Variants in GABRG1 observed in about 807,000 individuals in gnomAD.
GABRG1 encodes gamma-aminobutyric acid receptor subunit gamma-1.
In GABRG1, 49 loss-of-function variants were observed where a neutral mutation model predicts 49.8. The ratio of observed to expected loss-of-function variants is 0.98; its 90% confidence interval spans 0.78 to 1.25. The LOEUF is 1.25. GABRG1 is among the 50% of genes most tolerant of loss of function. The probability of loss-of-function intolerance (pLI) is 0.00; values close to 1 mark genes in which losing one functional copy is unlikely to be tolerated. For synonymous variants in GABRG1, 232 were observed against 185.1 expected (o/e 1.25, Z -2.06); for missense variants, 552 against 552.3 (o/e 1.00, Z 0.01).
chr4:46,080,797 A>T (rs1401983152), intron 3 of GABRG1, among the ~76,000 whole-genome samples: 1 of 151,854 alleles, frequency 6.6e-6, no homozygotes, highest in African/African-American at 2.4e-5. Context: ...TGAAAATGCC[A>T]ACATTCCCAT....
chr4:46,091,809 C>A (rs1720002314), intron 2 of GABRG1, among the ~76,000 whole-genome samples: 1 of 151,818 alleles, frequency 6.6e-6, no homozygotes, highest in African/African-American at 2.4e-5. Context: ...ATGTTTCAAC[C>A]CACAGATTCA....
intron 1 of GABRG1, among the ~76,000 whole-genome samples, chr4:46,103,858 G>A (rs767675959): frequency 5.3e-5 from 8 of 151,208 alleles, no homozygotes; most frequent in Non-Finnish European, 8.9e-5. Context: ...GATACAAAAA[G>A]TATAGGTACC....
Position 46,051,647 on chromosome 4 carries a change from A to G in GABRG1, c.917-9T>C, listed in dbSNP as rs76162615. ...CAGAACTGTAGTGATACCTATAGAGAGAGGAAACAAAACAGGAAATGAAAA... is the reference window on the plus strand; with the variant it reads ...CAGAACTGTAGTGATACCTATAGAGGGAGGAAACAAAACAGGAAATGAAAA... On this transcript the variant is annotated splice_polypyrimidine_tract_variant and intron_variant, in intron 7 of 8. Transcript: ENST00000295452. 0.016 allele frequency: 23,606 copies of G among 1,508,246 alleles called. 243 individuals are homozygous for G. Among genetic ancestry groups the G allele is most frequent in the South Asian group, 0.02 (1,670 of 82,498 alleles). The allele number at this position is 1,508,246 out of a possible 1,614,324, so 93.4% of individuals were successfully genotyped here. A position where few individuals can be genotyped will look rare whatever the true frequency, so the allele number is the denominator to read the frequency against.
At chr4:46,071,391 T>A (rs972956901) in intron 3 of GABRG1, among the ~76,000 whole-genome samples, 2 of 149,944 alleles carry the variant, frequency 1.3e-5, no homozygotes, top group Non-Finnish European at 3.0e-5. Context: ...AAGTATAGCA[T>A]AATAAATACA....
intron 1 of GABRG1, among the ~76,000 whole-genome samples, chr4:46,116,834 C>A (rs1720909125): frequency 6.6e-6 from 1 of 150,776 alleles, no homozygotes. Context: ...TTATAAAATA[C>A]AGGCATCTGA....
chr4:46,094,059 A>G (rs1720092122), intron 2 of GABRG1, among the ~76,000 whole-genome samples: 2 of 152,064 alleles, frequency 1.3e-5, no homozygotes, highest in Non-Finnish European at 2.9e-5. Flanking sequence ...AATATTCACT[A>G]ACTACTGCAT....
intron 8 of GABRG1, among the ~76,000 whole-genome samples, chr4:46,047,843 A>T (rs534200601): frequency 1.3e-4 from 19 of 151,954 alleles, no homozygotes; most frequent in Non-Finnish European, 2.6e-4. Flanking sequence ...TGTATTTGCG[A>T]TGCATTTTTT....
intron 3 of GABRG1, 83 bp from the exon 4 acceptor site, chr4:46,065,667 A>G: frequency 1.5e-6 from 1 of 688,236 alleles, no homozygotes; most frequent in Non-Finnish European, 2.4e-6. Context: ...TTTGTATTGT[A>G]AAGTTTCTGC....
chr4:46,060,894 A>T (rs1032666034), intron 5 of GABRG1, among the ~76,000 whole-genome samples: 9 of 152,118 alleles, frequency 5.9e-5, no homozygotes, highest in Non-Finnish European at 1.0e-4. Flanking sequence ...GAATCTCATG[A>T]TATTAATTTT....
At chr4:46,052,030 T>C (rs1407855533) in intron 7 of GABRG1, among the ~76,000 whole-genome samples, 1 of 151,844 alleles carries the variant, frequency 6.6e-6, no homozygotes, top group Non-Finnish European at 1.5e-5. Flanking sequence ...CAACATACAA[T>C]ATCCTAAAGA....
chr4:46,092,999 G>A (rs193053650), intron 2 of GABRG1, among the ~76,000 whole-genome samples: 1 of 150,862 alleles, frequency 6.6e-6, no homozygotes, highest in Non-Finnish European at 1.5e-5. Context: ...AACCCAGAAG[G>A]AGGAGGTTGC....
chr4:46,045,558 T>A (rs1211350696), intron 8 of GABRG1, among the ~76,000 whole-genome samples: 6 of 150,666 alleles, frequency 4.0e-5, no homozygotes, highest in South Asian at 4.2e-4. Context: ...CTCCTTAAGA[T>A]TTTTTTTTCA....
chr4:46,118,132 G>GTGTGTATATATATATATATATATATA (rs377481920), intron 1 of GABRG1, among the ~76,000 whole-genome samples: 6 of 109,982 alleles, frequency 5.5e-5, no homozygotes, highest in African/African-American at 2.2e-4. Context: ...GTGTGTGTGT[G>GTGTGTATATATATATATATATATATA]TATATATATA....
intron 7 of GABRG1, among the ~76,000 whole-genome samples, chr4:46,052,402 CT>C (rs1223553499): frequency 3.3e-5 from 5 of 151,720 alleles, no homozygotes; most frequent in Non-Finnish European, 1.5e-5. Flanking sequence ...ATTTTTTAAT[CT>C]CAATGTTTAA....
intron 1 of GABRG1, among the ~76,000 whole-genome samples, chr4:46,101,842 T>C (rs1720391117): frequency 6.6e-6 from 1 of 151,694 alleles, no homozygotes; most frequent in Non-Finnish European, 1.5e-5. Context: ...TAATATTACA[T>C]GAAAAATAAC....
intron 1 of GABRG1, among the ~76,000 whole-genome samples, chr4:46,106,454 C>T (rs969599313): frequency 2.6e-5 from 4 of 151,378 alleles, no homozygotes; most frequent in African/African-American, 9.7e-5. Flanking sequence ...AAGACTTTGA[C>T]AAAGAGTTAG....
At chr4:46,049,033 G>A (rs1182052717) in intron 8 of GABRG1, among the ~76,000 whole-genome samples, 1 of 151,744 alleles carries the variant, frequency 6.6e-6, no homozygotes, top group African/African-American at 2.4e-5. Flanking sequence ...CCTGACTATA[G>A]CCCTAAACAT....
At chr4:46,099,186 C>T (rs1720294717) in intron 1 of GABRG1, among the ~76,000 whole-genome samples, 1 of 151,674 alleles carries the variant, frequency 6.6e-6, no homozygotes, top group Non-Finnish European at 1.5e-5. Flanking sequence ...AATACTCCTT[C>T]CAGCAGGAGG....
chr4:46,041,312 A>G (rs1024638293), intron 8 of GABRG1, 58 bp from the exon 9 acceptor site: 68 of 1,551,946 alleles, frequency 4.4e-5, no homozygotes, highest in Non-Finnish European at 5.6e-5. Context: ...GGAAAGATCA[A>G]TTTGCTCCTT....
Sources: allele counts gnomAD v4.1 joint callset (sites outside exome capture counted in the v4.1 genomes callset), GRCh38; gene constraint gnomAD v4.1.1; transcripts MANE v1.5; gene names NCBI Gene and HGNC (gene_info 2026-07-23, HGNC 2026-07-21).